The following TRPC5 variants were observed in gnomAD, a reference collection of about 807,000 sequenced individuals.
TRPC5 encodes the protein transient receptor potential cation channel subfamily C member 5, also known as short transient receptor potential channel 5.
Under a neutral mutation model 56.5 loss-of-function variants are expected in TRPC5, and 9 were observed. The ratio of observed to expected loss-of-function variants is 0.16; its 90% confidence interval spans 0.10 to 0.28. The LOEUF is 0.28. Ranked by LOEUF, TRPC5 falls within the 10% of genes least tolerant of loss-of-function variation. The pLI, the probability that TRPC5 is intolerant of heterozygous loss-of-function variation, is 1.00. For synonymous variants in TRPC5, 282 were observed against 278.5 expected, an observed-to-expected ratio of 1.01 and a Z score of -0.13; for missense variants, 469 against 748.9, an observed-to-expected ratio of 0.63 and a Z score of 4.36.
At chrX:111,924,651 G>C (rs1461460142) in intron 2 of TRPC5, among the ~76,000 whole-genome samples, 1 of 112,332 alleles carries the variant, frequency 8.9e-6, no homozygotes, top group African/African-American at 3.2e-5. Flanking sequence ...AAGGTTACAT[G>C]ATACAATTGG....
chrX:112,017,980 T>G (rs12011820), intron 1 of TRPC5, among the ~76,000 whole-genome samples: 18,081 of 111,988 alleles, frequency 0.16, 1,496 homozygotes, highest in African/African-American at 0.32. Context: ...AAAGAATGCC[T>G]AATATCTCAT....
At chrX:111,793,617 A>G (rs1946039568) in intron 7 of TRPC5, among the ~76,000 whole-genome samples, 1 of 111,875 alleles carries the variant, frequency 8.9e-6, no homozygotes, top group Non-Finnish European at 1.9e-5. Context: ...GTAAAATGGT[A>G]TAGCCACTTT....
At chrX:111,878,957 A>G (rs1924080881) in intron 3 of TRPC5, among the ~76,000 whole-genome samples, 1 of 111,876 alleles carries the variant, frequency 8.9e-6, no homozygotes, top group African/African-American at 3.3e-5. Flanking sequence ...CCATACTTGC[A>G]CTTAAACAGC....
At chrX:111,950,734 G>A (rs779407870) in intron 2 of TRPC5, among the ~76,000 whole-genome samples, 31 of 111,886 alleles carry the variant, frequency 2.8e-4, no homozygotes, top group African/African-American at 4.9e-4. Context: ...TGTTGGCACC[G>A]TCCAGAGTCC....
At chrX:111,989,673 C>T (rs781314201) in intron 1 of TRPC5, among the ~76,000 whole-genome samples, 3 of 111,915 alleles carry the variant, frequency 2.7e-5, no homozygotes, top group East Asian at 5.6e-4. Flanking sequence ...ATGCAGTTCT[C>T]TCTCCATAAA....
Position 111,769,592 on chromosome X carries a change from A to C in TRPC5, c.*6721T>G, listed in dbSNP as rs184202819. The stretch of plus-strand genomic sequence containing the variant: ...GAAAACTCACCAATTTGTACACTTT[A>C]AATGAATGCAGGTAATTGTACATAA... On this transcript the variant is annotated 3_prime_UTR_variant, in exon 11 of 11. Coordinates refer to ENST00000262839, the MANE Select transcript of TRPC5 (RefSeq NM_012471.3). Among the ~76,000 whole-genome samples, 98 of 111,591 alleles carry C rather than the reference A, an allele frequency of 8.8e-4. No individual in the cohort carries two copies. The highest frequency in any genetic ancestry group is 2.9e-3 in the African/African-American group (90 of 30,759).
At chrX:112,046,045 C>T (rs781643520) in intron 1 of TRPC5, among the ~76,000 whole-genome samples, 1 of 110,103 alleles carries the variant, frequency 9.1e-6, no homozygotes, top group Non-Finnish European at 1.9e-5. Context: ...AGGGGTGCTG[C>T]CAAACCTATT....
chrX:111,866,896 G>A (rs1367678012), intron 3 of TRPC5, among the ~76,000 whole-genome samples: 1 of 111,920 alleles, frequency 8.9e-6, no homozygotes, highest in East Asian at 2.8e-4. Flanking sequence ...TTACTGCAAG[G>A]GAAGTGCAAG....
At chrX:111,849,703 G>A (rs1923028935) in intron 5 of TRPC5, among the ~76,000 whole-genome samples, 2 of 112,098 alleles carry the variant, frequency 1.8e-5, no homozygotes, top group Admixed American at 1.9e-4. Context: ...TACTGTGTGA[G>A]TTTTTGCTTA....
intron 7 of TRPC5, among the ~76,000 whole-genome samples, chrX:111,791,502 A>T (rs923968673): frequency 8.9e-6 from 1 of 112,311 alleles, no homozygotes; most frequent in Non-Finnish European, 1.9e-5. Context: ...CCATAATGAA[A>T]GGGGCAGCCA....
chrX:112,056,053 C>T (rs1930334428), intron 1 of TRPC5, among the ~76,000 whole-genome samples: 1 of 111,164 alleles, frequency 9.0e-6, no homozygotes, highest in South Asian at 3.8e-4. Context: ...AGGTGGGGAG[C>T]CAAGAATATA....
intron 1 of TRPC5, among the ~76,000 whole-genome samples, chrX:111,971,216 G>A (rs1927775754): frequency 9.0e-6 from 1 of 111,336 alleles, no homozygotes; most frequent in Admixed American, 9.6e-5. Flanking sequence ...CAACAATTAT[G>A]GTACTTAGAG....
chrX:111,811,419 G>GCA (rs369105596), intron 7 of TRPC5, among the ~76,000 whole-genome samples: 1 of 112,074 alleles, frequency 8.9e-6, no homozygotes, highest in Non-Finnish European at 1.9e-5. Context: ...GCTTGCGCGT[G>GCA]CACACACACA....
At chrX:111,862,628 G>C (rs1923436206) in intron 3 of TRPC5, among the ~76,000 whole-genome samples, 1 of 112,015 alleles carries the variant, frequency 8.9e-6, no homozygotes, top group Non-Finnish European at 1.9e-5. Flanking sequence ...TTGTGAGGTA[G>C]AGGCCCAATT....
At chrX:111,983,347 T>C (rs1242402180) in intron 1 of TRPC5, among the ~76,000 whole-genome samples, 1 of 111,146 alleles carries the variant, frequency 9.0e-6, no homozygotes, top group Non-Finnish European at 1.9e-5. Flanking sequence ...CATAAACCCA[T>C]TGGTGATGAT....
chrX:112,042,341 G>T (rs1929914738), intron 1 of TRPC5, among the ~76,000 whole-genome samples: 1 of 111,329 alleles, frequency 9.0e-6, no homozygotes, highest in Non-Finnish European at 1.9e-5. Context: ...AATAAAGGGT[G>T]CCACATTGGA....
intron 3 of TRPC5, among the ~76,000 whole-genome samples, chrX:111,861,072 A>C (rs1236908912): frequency 8.9e-6 from 1 of 112,432 alleles, no homozygotes; most frequent in East Asian, 2.7e-4. Flanking sequence ...CTTTTCAATT[A>C]CATGAAAATT....
chrX:111,909,522 G>A (rs1349551639), intron 3 of TRPC5, among the ~76,000 whole-genome samples: 1 of 110,260 alleles, frequency 9.1e-6, no homozygotes, highest in Non-Finnish European at 1.9e-5. Flanking sequence ...CCACTGAACT[G>A]TAAACTTACA....
intron 3 of TRPC5, chrX:111,901,459 G>C (rs1267633767): frequency 1.7e-5 from 2 of 116,025 alleles, no homozygotes; most frequent in African/African-American, 6.5e-5. Flanking sequence ...ATTCTTGATA[G>C]GGGTAACCAG....
Sources: allele counts gnomAD v4.1 joint callset (sites outside exome capture counted in the v4.1 genomes callset), GRCh38; gene constraint gnomAD v4.1.1; transcripts MANE v1.5; gene names NCBI Gene and HGNC (gene_info 2026-07-23, HGNC 2026-07-21).